CNTNAP2: variants seen among roughly 807,000 people sequenced by gnomAD.
CNTNAP2 encodes contactin-associated protein-like 2.
In CNTNAP2, 98 loss-of-function variants were observed where a neutral mutation model predicts 155.2. The observed-to-expected ratio is 0.63, with a 90% confidence interval of 0.54 to 0.75. CNTNAP2 has a LOEUF of 0.75. Ranked by LOEUF, CNTNAP2 falls within the 30% of genes least tolerant of loss-of-function variation. The pLI is 0.00. For missense variants in CNTNAP2, 1,727 were observed against 1,688.1 expected (o/e 1.02, Z -0.40); for synonymous variants, 651 against 631.2 (o/e 1.03, Z -0.47).
chr7:146,931,814 C>T (rs1175563136), intron 3 of CNTNAP2, among the ~76,000 whole-genome samples: 48 of 151,726 alleles, frequency 3.2e-4, no homozygotes, highest in South Asian at 1.3e-3. Flanking sequence ...AACACCTCTA[C>T]GCAAATAAAC....
intron 3 of CNTNAP2, among the ~76,000 whole-genome samples, chr7:146,968,123 C>A (rs1584755082): frequency 6.6e-6 from 1 of 150,966 alleles, no homozygotes; most frequent in East Asian, 1.9e-4. Flanking sequence ...TATTGATTTG[C>A]ATATATTGAA....
chr7:147,256,201 G>A (rs937702937), intron 8 of CNTNAP2, among the ~76,000 whole-genome samples: 6 of 146,324 alleles, frequency 4.1e-5, no homozygotes, highest in East Asian at 3.2e-4. Flanking sequence ...TTCTTAACAC[G>A]CTAAAGTGAC....
At chr7:147,970,488 G>T (rs1367876956) in intron 14 of CNTNAP2, among the ~76,000 whole-genome samples, 2 of 152,152 alleles carry the variant, frequency 1.3e-5, no homozygotes, top group African/African-American at 4.8e-5. Flanking sequence ...ACTTTGGGAG[G>T]TCAAGGTGCG....
intron 15 of CNTNAP2, among the ~76,000 whole-genome samples, chr7:147,989,971 C>A (rs1279379400): frequency 6.6e-6 from 1 of 152,102 alleles, no homozygotes; most frequent in African/African-American, 2.4e-5. Context: ...AAGCACAGTC[C>A]CCAACAAAAC....
At chr7:147,783,129 C>A (rs1317347429) in intron 13 of CNTNAP2, among the ~76,000 whole-genome samples, 1 of 152,204 alleles carries the variant, frequency 6.6e-6, no homozygotes, top group Non-Finnish European at 1.5e-5. Flanking sequence ...AGTGTGAAAT[C>A]AAGAAAATAA....
intron 1 of CNTNAP2, among the ~76,000 whole-genome samples, chr7:146,626,700 G>C (rs1013944618): frequency 6.6e-6 from 1 of 152,034 alleles, no homozygotes; most frequent in Non-Finnish European, 1.5e-5. Flanking sequence ...AAAGTAAAAA[G>C]ATACAAAAGA....
At chr7:147,902,870 A>C (rs1799895950) in intron 13 of CNTNAP2, among the ~76,000 whole-genome samples, 1 of 147,760 alleles carries the variant, frequency 6.8e-6, no homozygotes, top group African/African-American at 2.5e-5. Context: ...TTATCCATTC[A>C]TTGACTGATG....
intron 1 of CNTNAP2, among the ~76,000 whole-genome samples, chr7:146,491,447 AT>A (rs915869413): frequency 4.6e-5 from 7 of 151,056 alleles, no homozygotes; most frequent in Non-Finnish European, 5.9e-5. Flanking sequence ...AATATATTGT[AT>A]TTTTTTTTCT....
chr7:147,688,430 T>C (rs944175854), intron 13 of CNTNAP2, among the ~76,000 whole-genome samples: 5 of 152,250 alleles, frequency 3.3e-5, no homozygotes, highest in Middle Eastern at 3.4e-3. Context: ...CCCCTACTTA[T>C]CTCTCCCACA....
intron 8 of CNTNAP2, among the ~76,000 whole-genome samples, chr7:147,271,043 T>A (rs151119223): frequency 0.012 from 1,867 of 152,302 alleles, 44 homozygotes; most frequent in African/African-American, 0.042. Flanking sequence ...TAGAAAATCT[T>A]GTATCTCTAC....
At chr7:146,461,363 C>A (rs1796633448) in intron 1 of CNTNAP2, among the ~76,000 whole-genome samples, 1 of 151,026 alleles carries the variant, frequency 6.6e-6, no homozygotes, top group Non-Finnish European at 1.5e-5. Context: ...CAAGAGAGCA[C>A]CACTGCAGTC....
At chr7:147,874,537 AG>A (rs781398152) in intron 13 of CNTNAP2, among the ~76,000 whole-genome samples, 160 of 152,412 alleles carry the variant, frequency 1.0e-3, no homozygotes, top group Non-Finnish European at 2.0e-3. Context: ...GGCTGCACAC[AG>A]CAGGGGGGCC....
rs537140725 is a variant in CNTNAP2, at chr7:147,357,506, G to A, written c.1499-38103G>A. 5.3e-4 allele frequency among the ~76,000 whole-genome samples: 81 copies of A among 152,088 alleles called. 2 individuals are homozygous for A. Among genetic ancestry groups the A allele is most frequent in the African/African-American group, 1.8e-3 (76 of 41,428 alleles). ...CCTACATGCAGCAGCAGTCGGTACT[G>A]AAATGAGTAATATTTTAATAATTTT... On this transcript the variant is annotated intron_variant, in intron 9 of 23. Transcript: ENST00000361727.
At chr7:147,988,978 T>A (rs10270437) in intron 15 of CNTNAP2, among the ~76,000 whole-genome samples, 10,151 of 152,144 alleles carry the variant, frequency 0.067, 755 homozygotes, top group African/African-American at 0.19. Flanking sequence ...TGATCCTGGA[T>A]CAGTTTATGT....
intron 13 of CNTNAP2, among the ~76,000 whole-genome samples, chr7:147,685,647 CA>C (rs897494115): frequency 9.9e-5 from 15 of 151,400 alleles, no homozygotes; most frequent in African/African-American, 3.1e-4. Flanking sequence ...TTATATTCTA[CA>C]GGGGGAATAA....
At chr7:147,305,999 C>T (rs1795019227) in intron 9 of CNTNAP2, among the ~76,000 whole-genome samples, 1 of 152,122 alleles carries the variant, frequency 6.6e-6, no homozygotes, top group Non-Finnish European at 1.5e-5. Context: ...ATCTGAATTT[C>T]CTTCCTCTGA....
At chr7:147,775,415 T>TTA (rs1180644766) in intron 13 of CNTNAP2, among the ~76,000 whole-genome samples, 7 of 107,518 alleles carry the variant, frequency 6.5e-5, no homozygotes, top group South Asian at 2.6e-4. Flanking sequence ...ATATATATAT[T>TTA]TATATATATA....
intron 1 of CNTNAP2, among the ~76,000 whole-genome samples, chr7:146,590,490 A>G (rs1259936453): frequency 6.6e-6 from 1 of 152,128 alleles, no homozygotes; most frequent in African/African-American, 2.4e-5. Flanking sequence ...TTAATTAATG[A>G]AAGAAAACTC....
intron 13 of CNTNAP2, among the ~76,000 whole-genome samples, chr7:147,654,162 CAT>C (rs2116944305): frequency 6.6e-6 from 1 of 152,254 alleles, no homozygotes; most frequent in East Asian, 1.9e-4. Flanking sequence ...GGTTATGCTA[CAT>C]AGGTCTCTTA....
Sources: allele counts gnomAD v4.1 joint callset (sites outside exome capture counted in the v4.1 genomes callset), GRCh38; gene constraint gnomAD v4.1.1; transcripts MANE v1.5; gene names NCBI Gene and HGNC (gene_info 2026-07-23, HGNC 2026-07-21).